The following SGCZ variants were observed in gnomAD, a reference collection of about 807,000 sequenced individuals.
SGCZ encodes the protein sarcoglycan zeta.
SGCZ carries 40 observed loss-of-function variants against 41.3 expected under a neutral mutation model. That is an observed-to-expected ratio of 0.97 (90% confidence interval 0.75 to 1.26). SGCZ has a LOEUF of 1.26. Among genes scored for constraint, SGCZ ranks in the 50% most tolerant of loss-of-function variants. The probability of loss-of-function intolerance (pLI) is 0.00; values close to 1 mark genes in which losing one functional copy is unlikely to be tolerated. For missense variants in SGCZ, 552 were observed against 369.8 expected (o/e 1.49, Z -4.04); for synonymous variants, 206 against 137.5 (o/e 1.50, Z -3.49).
chr8:14,161,397 G>C (rs899591207), intron 5 of SGCZ: 3 of 152,310 alleles, frequency 2.0e-5, no homozygotes, highest in African/African-American at 7.2e-5. Context: ...ATGTGCCTAT[G>C]TGTATGTTTG....
Position 15,175,405 on chromosome 8 carries a change from G to A in SGCZ, c.39+62180C>T, listed in dbSNP as rs958236219. The stretch of plus-strand genomic sequence containing the variant: ...TTGCAGGGACATGGATGGAGCTGGA[G>A]GCCATTATCCGTACCAAGCTAACAC... On this transcript the variant is annotated intron_variant, in intron 1 of 7. Transcript: ENST00000382080. Among the ~76,000 whole-genome samples the A allele has an allele frequency of 3.9e-5, 6 of 152,076 alleles. No homozygotes were observed. The East Asian group carries it at 7.8e-4, about 20-fold the overall frequency.
At chr8:14,837,638 T>C (rs1049093387) in intron 1 of SGCZ, among the ~76,000 whole-genome samples, 11 of 152,222 alleles carry the variant, frequency 7.2e-5, no homozygotes, top group African/African-American at 2.4e-4. Flanking sequence ...CATTTGGATG[T>C]AGAAGGGTCT....
At chr8:14,613,854 C>T (rs1378935741) in intron 1 of SGCZ, among the ~76,000 whole-genome samples, 12 of 152,050 alleles carry the variant, frequency 7.9e-5, no homozygotes, top group Admixed American at 6.5e-5. Context: ...ACATTATCTA[C>T]ATGCTGTCAA....
At chr8:15,073,672 C>T (rs554049825) in intron 1 of SGCZ, among the ~76,000 whole-genome samples, 1 of 152,294 alleles carries the variant, frequency 6.6e-6, no homozygotes, top group South Asian at 2.1e-4. Flanking sequence ...AATATGACCT[C>T]AAGACTGCAA....
At chr8:15,111,684 G>C (rs565008173) in intron 1 of SGCZ, among the ~76,000 whole-genome samples, 1 of 152,070 alleles carries the variant, frequency 6.6e-6, no homozygotes, top group African/African-American at 2.4e-5. Flanking sequence ...GGCGGATCAC[G>C]AGGTCAAGAG....
chr8:14,408,057 T>C (rs1010130869), intron 2 of SGCZ, among the ~76,000 whole-genome samples: 3 of 152,192 alleles, frequency 2.0e-5, no homozygotes, highest in African/African-American at 7.2e-5. Context: ...GGGATTGATT[T>C]GAATTAATGG....
At chr8:14,508,064 T>C (rs1683006099) in intron 2 of SGCZ, among the ~76,000 whole-genome samples, 1 of 152,044 alleles carries the variant, frequency 6.6e-6, no homozygotes, top group South Asian at 2.1e-4. Flanking sequence ...AGTCACTGCA[T>C]GCAGCTCACA....
chr8:15,022,358 T>G (rs1369725675), intron 1 of SGCZ, among the ~76,000 whole-genome samples: 1 of 152,082 alleles, frequency 6.6e-6, no homozygotes, highest in Non-Finnish European at 1.5e-5. Flanking sequence ...ATTTATTTAT[T>G]TTTTGAGACA....
At chr8:14,104,091 T>A (rs986375538) in intron 6 of SGCZ, among the ~76,000 whole-genome samples, 1 of 152,154 alleles carries the variant, frequency 6.6e-6, no homozygotes, top group Admixed American at 6.5e-5. Flanking sequence ...GGTTTTCAAT[T>A]AAACTATTCA....
In SGCZ at chr8:14,090,468, C is replaced by T. The variant is rs143820101; in HGVS notation, c.914G>A (p.Ser305Asn). The T allele has an allele frequency of 1.2e-4, 200 of 1,612,666 alleles. 3 individuals carry two copies. The South Asian group carries it at 2.1e-3, about 17-fold the overall frequency. ...PAGVGSTCQS[S>N]SNICLWS ...TCAGCTCCACAGGCAGATGTTGCTA[C>T]TGGACTGACAAGTGGAACCTACTCC... Residue 305 changes from serine (S) to asparagine (N), a missense_variant, in exon 8 of 8, where the codon AGT (serine) becomes AAT (asparagine). Physicochemically the swap from Ser to Asn is conservative, Grantham distance 46. Transcript: ENST00000382080.
At chr8:14,535,452 T>C (rs1803265339) in intron 2 of SGCZ, among the ~76,000 whole-genome samples, 1 of 151,990 alleles carries the variant, frequency 6.6e-6, no homozygotes, top group East Asian at 1.9e-4. Flanking sequence ...CACCATGGAT[T>C]TCACTCGATT....
At chr8:14,724,724 T>C (rs937597213) in intron 1 of SGCZ, among the ~76,000 whole-genome samples, 1 of 151,938 alleles carries the variant, frequency 6.6e-6, no homozygotes, top group African/African-American at 2.4e-5. Context: ...TATGAATACA[T>C]AATAGTTGTA....
chr8:14,259,752 C>A (rs1799588543), intron 3 of SGCZ, among the ~76,000 whole-genome samples: 2 of 150,270 alleles, frequency 1.3e-5, no homozygotes, highest in South Asian at 4.2e-4. Context: ...TGTGATGCCT[C>A]CAGCTTTGTT....
chr8:14,469,495 G>C (rs1392805883), intron 2 of SGCZ, among the ~76,000 whole-genome samples: 1 of 152,102 alleles, frequency 6.6e-6, no homozygotes, highest in Non-Finnish European at 1.5e-5. Flanking sequence ...TTGTCTCCAT[G>C]AGTGTGGCAT....
chr8:14,858,521 G>GA (rs1007355203), intron 1 of SGCZ, among the ~76,000 whole-genome samples: 2 of 152,074 alleles, frequency 1.3e-5, no homozygotes, highest in African/African-American at 4.8e-5. Flanking sequence ...GTTGGCAAAG[G>GA]AAAGACTATT....
chr8:15,096,233 C>T (rs192371729), intron 1 of SGCZ, among the ~76,000 whole-genome samples: 84 of 151,866 alleles, frequency 5.5e-4, no homozygotes, highest in Non-Finnish European at 5.6e-4. Context: ...TGCACAACCA[C>T]GCCCAGCTAA....
intron 1 of SGCZ, among the ~76,000 whole-genome samples, chr8:14,782,289 G>C (rs1232865350): frequency 6.6e-6 from 1 of 152,188 alleles, no homozygotes; most frequent in East Asian, 1.9e-4. Flanking sequence ...AAGAAAATCA[G>C]ATTTCAATAC....
chr8:14,930,453 A>G (rs1799892594), intron 1 of SGCZ, among the ~76,000 whole-genome samples: 2 of 152,058 alleles, frequency 1.3e-5, no homozygotes, highest in Admixed American at 6.5e-5. Context: ...CTAGAACTAG[A>G]AATACCATTT....
chr8:14,282,936 G>A (rs1045862730), intron 3 of SGCZ, among the ~76,000 whole-genome samples: 2 of 128,582 alleles, frequency 1.6e-5, no homozygotes, highest in African/African-American at 6.0e-5. Context: ...TGCAAGCTCC[G>A]CCTCCAGGGT....
Sources: gnomAD v4.1 joint callset for allele counts (sites outside exome capture counted in the v4.1 genomes callset) on GRCh38, gnomAD v4.1.1 for gene constraint, MANE v1.5 for transcripts, NCBI Gene and HGNC (gene_info 2026-07-23, HGNC 2026-07-21) for gene names.